ADGRG7: variants seen among roughly 807,000 people sequenced by gnomAD.
The protein encoded by ADGRG7 is G-protein coupled receptor 128.
In ADGRG7, 82 loss-of-function variants were observed where a neutral mutation model predicts 88.6. The ratio of observed to expected loss-of-function variants is 0.93; its 90% confidence interval spans 0.77 to 1.11. The LOEUF (loss-of-function observed/expected upper bound fraction) is 1.11. Among genes scored for constraint, ADGRG7 ranks in the 50% most tolerant of loss-of-function variants. The pLI is 0.00. For synonymous variants in ADGRG7, 381 were observed against 345.2 expected (o/e 1.10, Z -1.15); for missense variants, 945 against 953.4 (o/e 0.99, Z 0.12).
At chr3:100,620,022 A>T (rs140198882) in intron 1 of ADGRG7, among the ~76,000 whole-genome samples, 41,536 of 152,008 alleles carry the variant, frequency 0.27, 6,220 homozygotes, top group Non-Finnish European at 0.34. Flanking sequence ...TATTCCAATC[A>T]ATAGAAAAAG....
At chr3:100,683,025 T>C (rs900789420) in intron 15 of ADGRG7, among the ~76,000 whole-genome samples, 2 of 152,104 alleles carry the variant, frequency 1.3e-5, no homozygotes, top group African/African-American at 2.4e-5. Context: ...TGAGCAGCTC[T>C]AGTGAAGAGC....
intron 11 of ADGRG7, chr3:100,654,398 G>A (rs1215433585): frequency 6.5e-6 from 1 of 153,848 alleles, no homozygotes; most frequent in Non-Finnish European, 1.4e-5. Flanking sequence ...ACATTACTAT[G>A]GGATATGAAC....
intron 1 of ADGRG7, 36 bp from the exon 2 acceptor site, chr3:100,629,562 A>T (rs759018963): frequency 7.0e-7 from 1 of 1,432,744 alleles, no homozygotes; most frequent in South Asian, 1.2e-5. Context: ...TGAATCAGCC[A>T]GTTCATGACT....
chr3:100,677,763 A>C lies in ADGRG7; in HGVS notation c.2136+8658A>C, dbSNP rs75438799. Among the ~76,000 whole-genome samples the C allele has an allele frequency of 3.4e-4, 51 of 152,228 alleles. No homozygotes were observed. The East Asian group carries it at 5.2e-3, about 16-fold the overall frequency. On this transcript the variant is annotated intron_variant, in intron 15 of 15. Transcript: ENST00000273352. ...GTCATGTCACTCTTTTTTGGGCTATAAGGTTTCTACTGAGAAAGCTGCTGC... is the reference window on the plus strand; with the variant it reads ...GTCATGTCACTCTTTTTTGGGCTATCAGGTTTCTACTGAGAAAGCTGCTGC...
chr3:100,659,668 A>ATTTTTTTTTTTTTTTTTTTT lies in ADGRG7; in HGVS notation c.1824-10_1824-9insTTTTTTTTTTTTTTTTTTTT. ...ATACCTTTCTTAGTCTGCTGAAGCA[A>ATTTTTTTTTTTTTTTTTTTT]TTTTTTTTTTCCTCCACAGCTGCTG... On this transcript the variant is annotated intron_variant, in intron 13 of 15. Transcript: ENST00000273352. The ATTTTTTTTTTTTTTTTTTTT allele has an allele frequency of 6.6e-7, 1 of 1,514,438 alleles. No homozygotes were observed. Among genetic ancestry groups the ATTTTTTTTTTTTTTTTTTTT allele is most frequent in the Non-Finnish European group, 9.0e-7 (1 of 1,110,142 alleles). The allele number at this position is 1,514,438 out of a possible 1,614,324, so 93.8% of individuals were successfully genotyped here.
At chr3:100,656,681 A>G (rs2094937961) in intron 13 of ADGRG7, among the ~76,000 whole-genome samples, 1 of 152,154 alleles carries the variant, frequency 6.6e-6, no homozygotes, top group Non-Finnish European at 1.5e-5. Context: ...CATTTTATAA[A>G]TCTAACTATT....
At position 100,694,866 on chromosome 3, in the gene ADGRG7, G is replaced by A. The variant is rs755421895; in HGVS notation, c.2259G>A (p.Pro753=). The part of the protein sequence containing the change: ...RRKSLPSVTR[P]RLRVKMYNFL... ...AGTCATTGCCTTCAGTGACGCGGCC[G>A]AGGCTGCGTGTAAAGATGTATAATT... Residue 753 remains proline, a synonymous_variant, in exon 16 of 16, where the codon CCG becomes CCA. Transcript: ENST00000273352. The A allele has an allele frequency of 1.5e-5, 25 of 1,614,038 alleles. No individual in the cohort carries two copies. The highest frequency in any genetic ancestry group is 3.3e-5 in the South Asian group (3 of 91,088).
chr3:100,624,201 T>A (rs555718903), intron 1 of ADGRG7, among the ~76,000 whole-genome samples: 1 of 152,342 alleles, frequency 6.6e-6, no homozygotes, highest in East Asian at 1.9e-4. Flanking sequence ...CCAGCATATA[T>A]TGTTTCTTAA....
intron 1 of ADGRG7, among the ~76,000 whole-genome samples, chr3:100,624,299 G>A (rs9873099): frequency 2.2e-4 from 33 of 152,158 alleles, no homozygotes; most frequent in Non-Finnish European, 4.1e-4. Flanking sequence ...GTGTGAAGTT[G>A]AGCTTGTTTT....
chr3:100,623,007 A>G (rs1413632201), intron 1 of ADGRG7, among the ~76,000 whole-genome samples: 1 of 151,202 alleles, frequency 6.6e-6, no homozygotes, highest in African/African-American at 2.4e-5. Context: ...CAGATAATCC[A>G]TCATCTCGGT....
At chr3:100,641,883 A>G (rs1707646455) in intron 6 of ADGRG7, among the ~76,000 whole-genome samples, 1 of 152,178 alleles carries the variant, frequency 6.6e-6, no homozygotes. Flanking sequence ...TGATATAACT[A>G]CAGCACTAAT....
chr3:100,668,463 C>T (rs2094954386), intron 14 of ADGRG7, among the ~76,000 whole-genome samples: 1 of 152,118 alleles, frequency 6.6e-6, no homozygotes, highest in Non-Finnish European at 1.5e-5. Context: ...TTGCTAATGT[C>T]CCACTGGCCA....
rs199939275 is a variant in ADGRG7, at chr3:100,655,923, T to C, written c.1751T>C (p.Ile584Thr). 28 of 1,604,672 alleles carry C rather than the reference T, an allele frequency of 1.7e-5. No individual in the cohort carries two copies. The African/African-American group carries it at 3.6e-4, about 21-fold the overall frequency. The change falls in exon 13 of 16, where the codon ATA (isoleucine) becomes ACA (threonine). Residue 584 changes from isoleucine (I) to threonine (T), a missense_variant. By Grantham distance (89) the Ile-to-Thr change is moderately conservative. Transcript: ENST00000273352. ...GWGVPAIVVA[I>T]TVGVIYSQNG... The stretch of plus-strand genomic sequence containing the variant: ...GGAGTCCCAGCTATAGTAGTGGCTA[T>C]AACAGTGGGAGTTATTTATTCTCAG...
intron 1 of ADGRG7, among the ~76,000 whole-genome samples, chr3:100,622,676 A>G (rs577416691): frequency 2.0e-5 from 3 of 152,158 alleles, no homozygotes; most frequent in Non-Finnish European, 4.4e-5. Context: ...TTACAACTCT[A>G]ATTTACACTT....
chr3:100,684,203 C>A (rs1055893938), intron 15 of ADGRG7, among the ~76,000 whole-genome samples: 8 of 151,410 alleles, frequency 5.3e-5, no homozygotes, highest in East Asian at 1.9e-4. Context: ...TCTTTTTAGA[C>A]CCTGCATATT....
Position 100,694,831 on chromosome 3 carries a change from G to A in ADGRG7, c.2224G>A (p.Gly742Arg), listed in dbSNP as rs1559696345. 6.2e-7 allele frequency: 1 copy of A among 1,614,140 alleles called. No homozygotes were observed. The highest frequency in any genetic ancestry group is 8.5e-7 in the Non-Finnish European group (1 of 1,180,002). The change falls in exon 16 of 16, where the codon GGG (glycine) becomes AGG (arginine). Residue 742 changes from glycine (G) to arginine (R), a missense_variant. Transcript: ENST00000273352. Reference protein sequence around the residue: ...SKVLMLLSSIGRRKSLPSVTR... With the variant: ...SKVLMLLSSIRRRKSLPSVTR... ...AGTGTTGATGTTGCTATCGTCTATT[G>A]GGAGAAGGAAGTCATTGCCTTCAGT... is the stretch of plus-strand genomic sequence containing the variant.
At chr3:100,685,194 T>C (rs1211372776) in intron 15 of ADGRG7, among the ~76,000 whole-genome samples, 1 of 152,160 alleles carries the variant, frequency 6.6e-6, no homozygotes, top group South Asian at 2.1e-4. Context: ...ATGAGGACTT[T>C]TCTAGCTGAC....
At chr3:100,643,137 G>A (rs1355725842) in intron 6 of ADGRG7, 129 bp from the exon 7 acceptor site, 6 of 797,460 alleles carry the variant, frequency 7.5e-6, no homozygotes, top group Non-Finnish European at 4.0e-6. Context: ...TTATTCTTAG[G>A]CAATTGTCAA....
At chr3:100,657,096 T>A (rs2094938691) in intron 13 of ADGRG7, among the ~76,000 whole-genome samples, 1 of 152,166 alleles carries the variant, frequency 6.6e-6, no homozygotes, top group Non-Finnish European at 1.5e-5. Flanking sequence ...CACACTGAGC[T>A]GTAAATAATT....
Sources: gnomAD v4.1 joint callset for allele counts (sites outside exome capture counted in the v4.1 genomes callset) on GRCh38, gnomAD v4.1.1 for gene constraint, MANE v1.5 for transcripts, NCBI Gene and HGNC (gene_info 2026-07-23, HGNC 2026-07-21) for gene names.